The following FAM32A variants were observed in gnomAD, a reference collection of about 807,000 sequenced individuals.
FAM32A encodes protein FAM32A.
Under a neutral mutation model 15.8 loss-of-function variants are expected in FAM32A, and 9 were observed. The ratio of observed to expected loss-of-function variants is 0.57; its 90% CI spans 0.34 to 1.00. The LOEUF (loss-of-function observed/expected upper bound fraction) is 1.00. FAM32A is among the 50% of genes least tolerant of loss of function. The pLI is 0.02. For missense variants in FAM32A, 113 were observed against 138.3 expected (o/e 0.82, Z 0.92); for synonymous variants, 64 against 54.9 (o/e 1.16, Z -0.73).
intron 2 of FAM32A, among the ~76,000 whole-genome samples, chr19:16,187,149 C>T (rs927533325): frequency 4.6e-5 from 7 of 152,054 alleles, no homozygotes; most frequent in Non-Finnish European, 1.0e-4. Context: ...GTGGTGTGAC[C>T]CTGGGCAAGC....
Position 16,185,474 on chromosome 19 carries a change from C to T in FAM32A, c.32C>T (p.Pro11Leu), listed in dbSNP as rs1486002250. ...GCCTACGAGCAGGTCCAAAAGGGAC[C>T]CCTGAAGCTGAAAGGCGTCGCAGAG... MEAYEQVQKG[P>L]LKLKGVAELG... Residue 11 changes from proline to leucine, a missense_variant, in exon 1 of 4, where the codon CCC becomes CTC. Pro to Leu is a moderately conservative substitution (Grantham distance 98). Coordinates refer to ENST00000263384, the MANE Select transcript of FAM32A (RefSeq NM_014077.4). 1 of 1,563,088 alleles carries T rather than the reference C, an allele frequency of 6.4e-7. No individual in the cohort carries two copies. Among genetic ancestry groups the T allele is most frequent in the Non-Finnish European group, 8.7e-7 (1 of 1,153,246 alleles).
chr19:16,186,486 TC>T (rs750380953), intron 2 of FAM32A: 5 of 152,178 alleles, frequency 3.3e-5, no homozygotes, highest in Admixed American at 3.3e-4. Flanking sequence ...CAGGCTGATC[TC>T]GAACTTCTGA....
At position 16,185,697 on chromosome 19, in the gene FAM32A, G is replaced by C. The variant is rs1302249106; in HGVS notation, c.148G>C (p.Glu50Gln). 6.4e-7 allele frequency: 1 copy of C among 1,569,460 alleles called. No homozygotes were observed. Among genetic ancestry groups the C allele is most frequent in the Admixed American group, 1.9e-5 (1 of 52,748 alleles). ...GGGAACGAGCAAAAAGAACGAGGAGGAGAAGCGGCGCGGCCTGGACAAGCG... is the reference window on the plus strand; with the variant it reads ...GGGAACGAGCAAAAAGAACGAGGAGCAGAAGCGGCGCGGCCTGGACAAGCG... ...AMGTSKKNEE[E>Q]KRRGLDKRTP... The change falls in exon 2 of 4, where the codon GAG (glutamate) becomes CAG (glutamine). Residue 50 changes from glutamate (E) to glutamine (Q), a missense_variant. Glu to Gln is a conservative substitution (Grantham distance 29, BLOSUM62 2). Coordinates refer to ENST00000263384, the MANE Select transcript of FAM32A (RefSeq NM_014077.4).
Position 16,191,032 on chromosome 19 carries a change from T to A in FAM32A, c.*77T>A. The A allele has an allele frequency of 8.7e-7, 1 of 1,153,294 alleles. No individual in the cohort carries two copies. The highest frequency in any genetic ancestry group is 1.3e-6 in the Non-Finnish European group (1 of 764,016). 71.4% of individuals were successfully genotyped at this position (1,153,294 alleles called of 1,614,324 possible). ...GGGGTTGTGTGTGTTTCCTTTGGTA[T>A]ATTCTGGAAACATGGCTACACACAC... On this transcript the variant is annotated 3_prime_UTR_variant, in exon 4 of 4. Transcript: ENST00000263384.
At chr19:16,189,804 T>A (rs1443441228) in intron 2 of FAM32A, among the ~76,000 whole-genome samples, 1 of 150,640 alleles carries the variant, frequency 6.6e-6, no homozygotes, top group East Asian at 2.0e-4. Flanking sequence ...GCCTCTTGAG[T>A]AGCTGGGACC....
rs578100519 is a variant in FAM32A at position 16,190,158 on chromosome 19, CCTCT to C, written c.217-357_217-354del. Among the ~76,000 whole-genome samples the C allele has an allele frequency of 1.3e-3, 205 of 152,280 alleles. 2 individuals carry two copies. Among genetic ancestry groups the C allele is most frequent in the South Asian group, 0.01 (49 of 4,820 alleles). On this transcript the variant is annotated intron_variant, in intron 2 of 3. Coordinates refer to ENST00000263384, the MANE Select transcript of FAM32A (RefSeq NM_014077.4). ...CACCTGCTCTATGTCAGACCCTTTA[CCTCT>C]CTCTTTCTCATCATTCCTGAAACCC... is the stretch of plus-strand genomic sequence containing the variant.
intron 2 of FAM32A, among the ~76,000 whole-genome samples, chr19:16,187,118 C>T (rs1295434525): frequency 6.6e-6 from 1 of 152,130 alleles, no homozygotes; most frequent in Non-Finnish European, 1.5e-5. Flanking sequence ...CTGAGTTTGA[C>T]TCTGCCTCTA....
intron 2 of FAM32A, among the ~76,000 whole-genome samples, chr19:16,188,291 G>A (rs1018031433): frequency 6.6e-6 from 1 of 152,204 alleles, no homozygotes; most frequent in African/African-American, 2.4e-5. Context: ...AGAAAGAAGA[G>A]TCAAGGATGA....
intron 2 of FAM32A, among the ~76,000 whole-genome samples, chr19:16,188,138 G>A (rs1055201116): frequency 2.6e-5 from 4 of 152,204 alleles, no homozygotes; most frequent in Non-Finnish European, 4.4e-5. Flanking sequence ...AGACTTATGC[G>A]AGACTTAGGC....
In FAM32A at chr19:16,192,005, C is replaced by T. The variant is rs1439774684; in HGVS notation, c.*1050C>T. 2 of 151,794 alleles carry T rather than the reference C, an allele frequency of 1.3e-5. No individual in the cohort carries two copies. Among genetic ancestry groups the T allele is most frequent in the African/African-American group, 4.8e-5 (2 of 41,360 alleles). The allele number at this position is 151,794 out of a possible 1,614,324, so 9.4% of individuals were successfully genotyped here. On this transcript the variant is annotated 3_prime_UTR_variant, in exon 4 of 4. Transcript: ENST00000263384. ...AACGAAGTGTGGAATTTGGGGTTGT[C>T]CTGTGTAAATTACACAATAAAGCAA...
In FAM32A at chr19:16,185,415, T is replaced by TTC; in HGVS notation, c.-28_-27insTC. 1.9e-6 allele frequency: 3 copies of TTC among 1,548,786 alleles called. No homozygotes were observed. Among genetic ancestry groups the TTC allele is most frequent in the Non-Finnish European group, 2.6e-6 (3 of 1,144,198 alleles). On this transcript the variant is annotated 5_prime_UTR_variant, in exon 1 of 4. Coordinates refer to ENST00000263384, the MANE Select transcript of FAM32A (RefSeq NM_014077.4). ...TGTTTGCAAACAGGAAGTGTGGCACTCCAGCTACCGAAGCACTGGAGAGTG... is the reference window on the plus strand; with the variant it reads ...TGTTTGCAAACAGGAAGTGTGGCACTTCCCAGCTACCGAAGCACTGGAGAGTG...
chr19:16,190,657 G>A (rs1355717484), intron 3 of FAM32A, 84 bp downstream of exon 3: 1 of 1,108,608 alleles, frequency 9.0e-7, no homozygotes. Context: ...AGAGGGAGCT[G>A]TTGGCATGTT....
In FAM32A at chr19:16,185,658, C is replaced by T. The variant is rs1344110093; in HGVS notation, c.109C>T (p.Leu37Phe). The T allele has an allele frequency of 1.3e-6, 2 of 1,592,792 alleles. No homozygotes were observed. The highest frequency in any genetic ancestry group is 1.7e-6 in the Non-Finnish European group (2 of 1,168,824). Residue 37 changes from leucine (L) to phenylalanine (F), a missense_variant, in exon 2 of 4, where the codon CTC becomes TTC. Coordinates refer to ENST00000263384, the MANE Select transcript of FAM32A (RefSeq NM_014077.4). ...KKKKDKDKAK[L>F]LEAMGTSKKN... Reference sequence around the variant, plus strand: ...AAAGAAGGACAAAGACAAAGCGAAACTCCTGGAAGCAATGGGAACGAGCAA... The same window carrying T: ...AAAGAAGGACAAAGACAAAGCGAAATTCCTGGAAGCAATGGGAACGAGCAA...
At chr19:16,186,943 C>T (rs558425039) in intron 2 of FAM32A, among the ~76,000 whole-genome samples, 2 of 152,274 alleles carry the variant, frequency 1.3e-5, no homozygotes, top group East Asian at 3.9e-4. Flanking sequence ...TGATCCGGCT[C>T]CAAATGTCAG....
In FAM32A at chr19:16,190,934, C is replaced by G; in HGVS notation, c.318C>G (p.Pro106=). 6.2e-7 allele frequency: 1 copy of G among 1,614,136 alleles called. No individual in the cohort carries two copies. The highest frequency in any genetic ancestry group is 1.7e-5 in the Admixed American group (1 of 60,016). The change falls in exon 4 of 4, where the codon CCC becomes CCG. Residue 106 remains proline, a synonymous_variant. Coordinates refer to ENST00000263384, the MANE Select transcript of FAM32A (RefSeq NM_014077.4). Reference sequence around the variant, plus strand: ...CACTCACGGAGCATTACGACATTCCCAAAGTCAGCTGGACGAAGTAGCCGC... The same window carrying G: ...CACTCACGGAGCATTACGACATTCCGAAAGTCAGCTGGACGAAGTAGCCGC... ...LDTLTEHYDI[P]KVSWTK
At position 16,191,220 on chromosome 19, in the gene FAM32A, A is replaced by G; in HGVS notation, c.*265A>G. 1 of 464,992 alleles carries G rather than the reference A, an allele frequency of 2.2e-6. No homozygotes were observed. The highest frequency in any genetic ancestry group is 2.0e-5 in the African/African-American group (1 of 50,476). 28.8% of individuals were successfully genotyped at this position (464,992 alleles called of 1,614,324 possible). A position where few individuals can be genotyped will look rare whatever the true frequency, so the allele number is the denominator to read the frequency against. On this transcript the variant is annotated 3_prime_UTR_variant, in exon 4 of 4. Coordinates refer to ENST00000263384, the MANE Select transcript of FAM32A (RefSeq NM_014077.4). ...AAAGTTTCTAAGTTTATCCAGAGGT[A>G]AAGCCCATTGTGTGTCTGTGTCATG...
intron 3 of FAM32A, 59 bp from the exon 4 acceptor site, chr19:16,190,828 T>TGG: frequency 1.4e-6 from 2 of 1,420,766 alleles, no homozygotes; most frequent in Non-Finnish European, 1.0e-6. Flanking sequence ...CAGTGCCACT[T>TGG]CTCCCCAGTA....
intron 2 of FAM32A, among the ~76,000 whole-genome samples, chr19:16,190,004 A>C (rs2091399909): frequency 6.6e-6 from 1 of 152,010 alleles, no homozygotes; most frequent in African/African-American, 2.4e-5. Context: ...TGACCTTTCC[A>C]GGTGTCATTG....
intron 2 of FAM32A, 56 bp downstream of exon 2, chr19:16,185,821 GA>G: frequency 2.6e-6 from 4 of 1,531,196 alleles, no homozygotes; most frequent in Non-Finnish European, 3.5e-6. Flanking sequence ...CGGGAGACTG[GA>G]AATTGGGGTC....
Sources: allele counts gnomAD v4.1 joint callset (sites outside exome capture counted in the v4.1 genomes callset), GRCh38; gene constraint gnomAD v4.1.1; transcripts MANE v1.5; gene names NCBI Gene and HGNC (gene_info 2026-07-23, HGNC 2026-07-21).